The following HOMER1 variants were observed in gnomAD, a reference collection of about 807,000 sequenced individuals.
The protein encoded by HOMER1 is homer scaffold protein 1.
HOMER1 carries 3 observed loss-of-function variants against 48.9 expected under a neutral mutation model. The observed-to-expected ratio is 0.06, with a 90% confidence interval of 0.03 to 0.16. The LOEUF (loss-of-function observed/expected upper bound fraction) is 0.16, where lower values mean the gene tolerates loss of function less well. HOMER1 is among the 10% of genes least tolerant of loss of function. The probability of loss-of-function intolerance (pLI) is 1.00; values close to 1 mark genes in which losing one functional copy is unlikely to be tolerated. For synonymous variants in HOMER1, 134 were observed against 146.4 expected, an observed-to-expected ratio of 0.92 and a Z score of 0.61; for missense variants, 247 against 411.4, an observed-to-expected ratio of 0.60 and a Z score of 3.46.
At chr5:79,415,561 G>A (rs972343050) in intron 5 of HOMER1, among the ~76,000 whole-genome samples, 19 of 152,044 alleles carry the variant, frequency 1.2e-4, no homozygotes, top group African/African-American at 4.6e-4. Context: ...CTATGTCCAC[G>A]TAAACCTAAA....
At chr5:79,463,064 G>A (rs1751359688) in intron 1 of HOMER1, among the ~76,000 whole-genome samples, 1 of 152,158 alleles carries the variant, frequency 6.6e-6, no homozygotes, top group South Asian at 2.1e-4. Context: ...AGTATTCTAA[G>A]AAGTATTAGA....
At chr5:79,447,259 G>A (rs1338427877) in intron 3 of HOMER1, 114 bp from the exon 4 acceptor site, 1 of 647,166 alleles carries the variant, frequency 1.5e-6, no homozygotes, top group Non-Finnish European at 2.7e-6. Flanking sequence ...AAGCAATATA[G>A]CCTCCAAACC....
chr5:79,445,809 G>C, intron 4 of HOMER1, among the ~76,000 whole-genome samples: 1 of 152,194 alleles, frequency 6.6e-6, no homozygotes, highest in East Asian at 1.9e-4. Flanking sequence ...AGCTACTTGG[G>C]AGGCTGAGGC....
chr5:79,391,131 GTTTT>G (rs761953260), intron 8 of HOMER1, among the ~76,000 whole-genome samples: 1 of 103,524 alleles, frequency 9.7e-6, no homozygotes, highest in Admixed American at 1.0e-4. Context: ...AATTTTGTGG[GTTTT>G]TTTTTTGTTT....
At chr5:79,414,991 T>G (rs1003356271) in intron 5 of HOMER1, among the ~76,000 whole-genome samples, 25 of 152,204 alleles carry the variant, frequency 1.6e-4, no homozygotes, top group African/African-American at 6.0e-4. Context: ...GAAATAGAAT[T>G]TAAGTACTAA....
chr5:79,477,694 T>C (rs1751822480), intron 1 of HOMER1, among the ~76,000 whole-genome samples: 1 of 152,222 alleles, frequency 6.6e-6, no homozygotes, highest in Non-Finnish European at 1.5e-5. Context: ...TGACAGTTTT[T>C]GAGAGCCAAT....
chr5:79,404,116 C>G (rs1398953294), intron 5 of HOMER1, among the ~76,000 whole-genome samples: 1 of 152,178 alleles, frequency 6.6e-6, no homozygotes, highest in Non-Finnish European at 1.5e-5. Flanking sequence ...AAACTTCAAT[C>G]TGACGATTGA....
At chr5:79,510,461 C>T (rs1045900668) in intron 1 of HOMER1, 49 of 686,218 alleles carry the variant, frequency 7.1e-5, no homozygotes, top group Non-Finnish European at 1.2e-4. Context: ...CCACACCACA[C>T]ACAACCAGTC....
intron 5 of HOMER1, among the ~76,000 whole-genome samples, chr5:79,425,722 G>GTTAA (rs1430714418): frequency 1.3e-5 from 2 of 151,806 alleles, no homozygotes; most frequent in Non-Finnish European, 2.9e-5. Flanking sequence ...TCCATGACAT[G>GTTAA]GTTCTTCACA....
chr5:79,474,915 C>T (rs2112331470), intron 1 of HOMER1, among the ~76,000 whole-genome samples: 1 of 152,300 alleles, frequency 6.6e-6, no homozygotes, highest in African/African-American at 2.4e-5. Context: ...CAGCAATTTT[C>T]CTTTTATAAA....
At chr5:79,457,387 CCTT>C (rs1394494221) in intron 1 of HOMER1, among the ~76,000 whole-genome samples, 2 of 152,160 alleles carry the variant, frequency 1.3e-5, no homozygotes, top group Non-Finnish European at 2.9e-5. Context: ...AGTGACAATG[CCTT>C]CTTGTTTCAG....
intron 8 of HOMER1, among the ~76,000 whole-genome samples, chr5:79,380,552 T>G (rs1325797789): frequency 6.6e-6 from 1 of 152,146 alleles, no homozygotes; most frequent in Non-Finnish European, 1.5e-5. Flanking sequence ...CTGCCACCAG[T>G]GAAGGTGGCA....
intron 5 of HOMER1, among the ~76,000 whole-genome samples, chr5:79,421,286 G>A (rs1045180733): frequency 7.9e-5 from 12 of 152,144 alleles, no homozygotes; most frequent in African/African-American, 2.2e-4. Context: ...ATTCAAATCC[G>A]AAAACTTGTA....
chr5:79,444,835 T>C (rs1561366308), intron 4 of HOMER1, among the ~76,000 whole-genome samples: 1 of 152,068 alleles, frequency 6.6e-6, no homozygotes, highest in Non-Finnish European at 1.5e-5. Context: ...TTAAATGGGG[T>C]TTTATGTTTA....
In HOMER1 at chr5:79,503,066, C is replaced by T. The variant is rs770317654; in HGVS notation, c.5+9704G>A. Among the ~76,000 whole-genome samples the T allele has an allele frequency of 2.2e-4, 33 of 152,074 alleles. 1 individual carries two copies. Among genetic ancestry groups the T allele is most frequent in the Admixed American group, 3.9e-4 (6 of 15,274 alleles). ...CCTCCCAAAGTGCTGGGATTACAGGCGTGAGCCACTGCGCCCAGCCTGCAT... is the reference window on the plus strand; with the variant it reads ...CCTCCCAAAGTGCTGGGATTACAGGTGTGAGCCACTGCGCCCAGCCTGCAT... On this transcript the variant is annotated intron_variant, in intron 1 of 8. Coordinates refer to ENST00000334082, the MANE Select transcript of HOMER1 (RefSeq NM_004272.5).
chr5:79,449,683 T>C (rs1159896494), intron 3 of HOMER1, among the ~76,000 whole-genome samples: 1 of 152,162 alleles, frequency 6.6e-6, no homozygotes. Flanking sequence ...CCATGTTGAC[T>C]AGGCCGGTCT....
At chr5:79,464,184 G>A (rs576430881) in intron 1 of HOMER1, among the ~76,000 whole-genome samples, 5 of 150,876 alleles carry the variant, frequency 3.3e-5, no homozygotes, top group Non-Finnish European at 7.4e-5. Flanking sequence ...AAGAATCAAA[G>A]AATGACAATT....
intron 5 of HOMER1, among the ~76,000 whole-genome samples, chr5:79,419,277 CCTTA>C (rs1336491091): frequency 4.6e-5 from 7 of 152,006 alleles, no homozygotes; most frequent in African/African-American, 1.7e-4. Context: ...CTACTTCAGG[CCTTA>C]CTATTAACAT....
Position 79,506,856 on chromosome 5 carries a change from AT to A in HOMER1, c.5+5913del, listed in dbSNP as rs756932801. Reference sequence around the variant, plus strand: ...AAAACAAAACCAAACAAACAAAAAAATATATATATATATGATTTTATTCACA... The same window carrying A: ...AAAACAAAACCAAACAAACAAAAAAAATATATATATATGATTTTATTCACA... On this transcript the variant is annotated intron_variant, in intron 1 of 8. Transcript: ENST00000334082. 9.7e-3 allele frequency among the ~76,000 whole-genome samples: 804 copies of A among 82,586 alleles called. 8 individuals are homozygous for A. Among genetic ancestry groups the A allele is most frequent in the African/African-American group, 0.057 (751 of 13,116 alleles). The allele number at this position is 82,586 out of a possible 152,430, so 54.2% of individuals were successfully genotyped here.
Sources: gnomAD v4.1 joint callset for allele counts (sites outside exome capture counted in the v4.1 genomes callset) on GRCh38, gnomAD v4.1.1 for gene constraint, MANE v1.5 for transcripts, NCBI Gene and HGNC (gene_info 2026-07-23, HGNC 2026-07-21) for gene names.